Variants in MVB12B observed in about 807,000 individuals in gnomAD.
The protein encoded by MVB12B is ESCRT-I complex subunit MVB12B.
A neutral mutation model predicts 41.6 loss-of-function variants in MVB12B; 16 were observed. The observed-to-expected ratio is 0.38, with a 90% CI of 0.26 to 0.58. The LOEUF (loss-of-function observed/expected upper bound fraction) is 0.58. Ranked by LOEUF, MVB12B falls within the 20% of genes least tolerant of loss-of-function variation. The probability of loss-of-function intolerance (pLI) is 0.62; values close to 1 mark genes in which losing one functional copy is unlikely to be tolerated. For missense variants in MVB12B, 274 were observed against 380.2 expected, an observed-to-expected ratio of 0.72 and a Z score of 2.32; for synonymous variants, 133 against 139.7, an observed-to-expected ratio of 0.95 and a Z score of 0.34.
At position 126,413,849 on chromosome 9, in the gene MVB12B, T is replaced by TGTGCGC. The variant is rs148914544; in HGVS notation, c.663-8002_663-8001insCGCGTG. On this transcript the variant is annotated intron_variant, in intron 6 of 9. Transcript: ENST00000361171. ...GTGTGTGTGTGTGTGTGTGTGTGTG[T>TGTGCGC]GTGTATAAGGGTTGGGAGATCAAAG... Among the ~76,000 whole-genome samples, 966 of 148,618 alleles carry TGTGCGC rather than the reference T, an allele frequency of 6.5e-3. 11 individuals are homozygous for TGTGCGC. Among genetic ancestry groups the TGTGCGC allele is most frequent in the African/African-American group, 0.023 (921 of 40,240 alleles).
chr9:126,476,183 G>A (rs7860917), intron 7 of MVB12B, among the ~76,000 whole-genome samples: 1,956 of 143,034 alleles, frequency 0.014, 42 homozygotes, highest in African/African-American at 0.046. Context: ...GCGGCATCCC[G>A]CAATGGTCTC....
intron 7 of MVB12B, among the ~76,000 whole-genome samples, chr9:126,439,346 C>T (rs981696342): frequency 6.6e-6 from 1 of 152,156 alleles, no homozygotes; most frequent in Non-Finnish European, 1.5e-5. Context: ...GAGAGTTGCT[C>T]TGTGGGAGTC....
intron 7 of MVB12B, among the ~76,000 whole-genome samples, chr9:126,454,527 G>T (rs376697266): frequency 6.6e-6 from 1 of 152,242 alleles, no homozygotes; most frequent in Non-Finnish European, 1.5e-5. Flanking sequence ...GGGGCTGGGC[G>T]AGTAGAAAGG....
rs906280328 is a variant in MVB12B, at chr9:126,333,820, A to C, written c.82-6688A>C. Among the ~76,000 whole-genome samples the C allele has an allele frequency of 9.9e-5, 15 of 151,800 alleles. No homozygotes were observed. The East Asian group carries it at 2.9e-3, about 30-fold the overall frequency. On this transcript the variant is annotated intron_variant, in intron 1 of 9. Transcript: ENST00000361171. The surrounding 1 kb of genome is among the most constrained non-coding windows in gnomAD (Gnocchi z 4.7). ...AGGGCTGATTCTGAGGCTTTTCTCC[A>C]TGGAAGATTACCTTTAGGTTCATTC...
At chr9:126,406,528 T>C (rs377150217) in intron 6 of MVB12B, among the ~76,000 whole-genome samples, 26 of 152,216 alleles carry the variant, frequency 1.7e-4, no homozygotes, top group East Asian at 5.8e-4. Flanking sequence ...GAAAAGCGGA[T>C]GTTTTAGTAG....
intron 6 of MVB12B, among the ~76,000 whole-genome samples, chr9:126,407,259 C>T (rs569813399): frequency 2.1e-4 from 32 of 152,028 alleles, no homozygotes; most frequent in African/African-American, 6.5e-4. Flanking sequence ...AGGATGTGCC[C>T]GTAGTCACCA....
intron 2 of MVB12B, among the ~76,000 whole-genome samples, chr9:126,365,072 G>A (rs1391288453): frequency 1.3e-5 from 2 of 149,776 alleles, no homozygotes; most frequent in Non-Finnish European, 3.0e-5. Flanking sequence ...GATTTTTTTT[G>A]AGAGGGAGTC....
In MVB12B at chr9:126,343,238, C is replaced by T. The variant is rs979467836; in HGVS notation, c.204+2608C>T. The stretch of plus-strand genomic sequence containing the variant: ...TCTGCGGTCCTCTCTGAAAGAGCCT[C>T]GCTTTTCTGTTCTGCACCCACACTA... On this transcript the variant is annotated intron_variant, in intron 2 of 9. Coordinates refer to ENST00000361171, the MANE Select transcript of MVB12B (RefSeq NM_033446.3). Among the ~76,000 whole-genome samples the T allele has an allele frequency of 3.3e-5, 5 of 152,334 alleles. No homozygotes were observed. The South Asian group carries it at 6.2e-4, about 19-fold the overall frequency.
chr9:126,504,566 A>G lies in MVB12B; in HGVS notation c.*1303A>G, dbSNP rs1834028879. The G allele has an allele frequency of 6.5e-6, 1 of 152,674 alleles. No homozygotes were observed. The highest frequency in any genetic ancestry group is 2.4e-5 in the African/African-American group (1 of 41,460). The allele number at this position is 152,674 out of a possible 1,614,324, so 9.5% of individuals were successfully genotyped here. On this transcript the variant is annotated 3_prime_UTR_variant, in exon 10 of 10. Transcript: ENST00000361171. The stretch of plus-strand genomic sequence containing the variant: ...CTGCAGGTCCTGGGCAGCCCACAGT[A>G]GTGCTAGCTGAGGCCCAGAGGAACG...
rs766091905 is a variant in MVB12B at position 126,326,965 on chromosome 9, CCCG to C, written c.47_49del (p.Pro16del). The C allele has an allele frequency of 1.7e-3, 445 of 261,648 alleles. No homozygotes were observed. The highest frequency in any genetic ancestry group is 3.6e-3 in the South Asian group (109 of 30,160). The allele number at this position is 261,648 out of a possible 1,614,324, so 16.2% of individuals were successfully genotyped here. ...GCTTCTGCGTGAGACGGAGCCGGGA[CCCG>C]CCGCCGCCGCAGCCACCGCCGCCGC... On this transcript the variant is annotated inframe_deletion, in exon 1 of 10. Transcript: ENST00000361171.
chr9:126,450,239 A>G (rs906288712), intron 7 of MVB12B, among the ~76,000 whole-genome samples: 3 of 152,206 alleles, frequency 2.0e-5, no homozygotes, highest in African/African-American at 7.2e-5. Flanking sequence ...TCTGGCTCCC[A>G]GGTGGGCGGT....
chr9:126,381,953 C>G (rs980787351), intron 3 of MVB12B, among the ~76,000 whole-genome samples: 1 of 152,004 alleles, frequency 6.6e-6, no homozygotes, highest in Non-Finnish European at 1.5e-5. Context: ...CAGCCCCAAA[C>G]AGGGAGCAGT....
chr9:126,447,535 G>T (rs1297533339), intron 7 of MVB12B, among the ~76,000 whole-genome samples: 2 of 151,862 alleles, frequency 1.3e-5, no homozygotes, highest in African/African-American at 4.8e-5. Context: ...GTAATTATCC[G>T]AGAATATGAC....
At chr9:126,331,350 A>C (rs1290980536) in intron 1 of MVB12B, among the ~76,000 whole-genome samples, 1 of 152,178 alleles carries the variant, frequency 6.6e-6, no homozygotes. Flanking sequence ...TTGGATTTGC[A>C]TTTCCCTAGT....
chr9:126,436,531 A>G lies in MVB12B; in HGVS notation c.757+14583A>G, dbSNP rs1199405175. Among the ~76,000 whole-genome samples, 1 of 152,244 alleles carries G rather than the reference A, an allele frequency of 6.6e-6. No homozygotes were observed. Among genetic ancestry groups the G allele is most frequent in the Admixed American group, 6.5e-5 (1 of 15,284 alleles). Reference sequence around the variant, plus strand: ...TAAAAGTGAAAAGGTTACGTGTACTAGTTTGAGTATACCTATGACTTTTCA... The same window carrying G: ...TAAAAGTGAAAAGGTTACGTGTACTGGTTTGAGTATACCTATGACTTTTCA... On this transcript the variant is annotated intron_variant, in intron 7 of 9. Transcript: ENST00000361171. The surrounding 1 kb of genome is among the most constrained non-coding windows in gnomAD (Gnocchi z 4.1).
chr9:126,504,403 T>C lies in MVB12B; in HGVS notation c.*1140T>C, dbSNP rs1237518402. 1 of 152,310 alleles carries C rather than the reference T, an allele frequency of 6.6e-6. No individual in the cohort carries two copies. The highest frequency in any genetic ancestry group is 6.5e-5 in the Admixed American group (1 of 15,292). The allele number at this position is 152,310 out of a possible 1,614,324, so 9.4% of individuals were successfully genotyped here. On this transcript the variant is annotated 3_prime_UTR_variant, in exon 10 of 10. Transcript: ENST00000361171. ...TGGTGTCAGGCACTGGGCTGTGTCC[T>C]GATTCCTCAGAGTATGGGGACCTGA...
chr9:126,395,454 G>A lies in MVB12B; in HGVS notation c.540-121G>A. The stretch of plus-strand genomic sequence containing the variant: ...CGGTGGAACCCATTTCACGTGGAGG[G>A]CAAGAATTGATTCCCTGGTGTTTGA... On this transcript the variant is annotated intron_variant, in intron 5 of 9. Coordinates refer to ENST00000361171, the MANE Select transcript of MVB12B (RefSeq NM_033446.3). This position sits in a 1 kb window ranked among gnomAD's most constrained non-coding sequence, Gnocchi z 4.9. 8.3e-7 allele frequency: 1 copy of A among 1,207,502 alleles called. No homozygotes were observed. The highest frequency in any genetic ancestry group is 1.2e-6 in the Non-Finnish European group (1 of 844,732). 74.8% of individuals were successfully genotyped at this position (1,207,502 alleles called of 1,614,324 possible).
At chr9:126,406,618 T>C (rs1225152965) in intron 6 of MVB12B, among the ~76,000 whole-genome samples, 6 of 152,250 alleles carry the variant, frequency 3.9e-5, no homozygotes, top group Non-Finnish European at 7.3e-5. Context: ...TAGAGACTCT[T>C]TAAATATTTC....
At position 126,503,434 on chromosome 9, in the gene MVB12B, C is replaced by G; in HGVS notation, c.*171C>G. The G allele has an allele frequency of 1.6e-6, 1 of 611,580 alleles. No individual in the cohort carries two copies. Among genetic ancestry groups the G allele is most frequent in the East Asian group, 2.7e-5 (1 of 36,372 alleles). The allele number at this position is 611,580 out of a possible 1,614,324, so 37.9% of individuals were successfully genotyped here. A position where few individuals can be genotyped will look rare whatever the true frequency, so the allele number is the denominator to read the frequency against. ...TGGGCGCATCCTGTCTTCAGCTGGC[C>G]TCACTGACACCCCGGCCTCCCTGGG... On this transcript the variant is annotated 3_prime_UTR_variant, in exon 10 of 10. Coordinates refer to ENST00000361171, the MANE Select transcript of MVB12B (RefSeq NM_033446.3).
Sources: gnomAD v4.1 joint callset for allele counts (sites outside exome capture counted in the v4.1 genomes callset) on GRCh38, gnomAD v4.1.1 for gene constraint, Gnocchi (gnomAD v3.1) non-coding constraint, MANE v1.5 for transcripts, NCBI Gene and HGNC (gene_info 2026-07-23, HGNC 2026-07-21) for gene names.